The following DMWD variants were observed in gnomAD, a reference collection of about 807,000 sequenced individuals.
DMWD encodes the protein dystrophia myotonica WD repeat-containing protein.
Under a neutral mutation model 45.8 loss-of-function variants are expected in DMWD, and 19 were observed. The ratio of observed to expected loss-of-function variants is 0.41; its 90% CI spans 0.29 to 0.61. The LOEUF (loss-of-function observed/expected upper bound fraction) is 0.61. Among genes scored for constraint, DMWD ranks in the 20% least tolerant of loss-of-function variants. The probability of loss-of-function intolerance (pLI) is 0.25; values close to 1 mark genes in which losing one functional copy is unlikely to be tolerated. For missense variants in DMWD, 802 were observed against 965.2 expected, an observed-to-expected ratio of 0.83 and a Z score of 2.24; for synonymous variants, 515 against 440.5, an observed-to-expected ratio of 1.17 and a Z score of -2.12.
At chr19:45,788,697 A>C (rs1026477096) in intron 2 of DMWD, among the ~76,000 whole-genome samples, 3 of 152,140 alleles carry the variant, frequency 2.0e-5, no homozygotes, top group Non-Finnish European at 4.4e-5. Context: ...GGGAGGCCAA[A>C]GCAGGAGAAT....
rs746317972 is a variant in DMWD at position 45,786,129 on chromosome 19, AG to A, written c.1366del (p.Leu456TrpfsTer203). On this transcript the variant is annotated frameshift_variant, in exon 3 of 5. Coordinates refer to ENST00000270223, the MANE Select transcript of DMWD (RefSeq NM_004943.2). LOFTEE classifies it high-confidence loss of function. The part of the protein sequence containing the change: ...TEDVLYPHPP[L>X]ARTRTLPGTP... ...GCCAGGGAGGGTGCGGGTGCGGGCCAGGGGGGGGTGCGGGTAGAGCACGTCT... is the reference window on the plus strand; with the variant it reads ...GCCAGGGAGGGTGCGGGTGCGGGCCAGGGGGGGTGCGGGTAGAGCACGTCT... The A allele has an allele frequency of 1.8e-5, 28 of 1,530,014 alleles. No individual in the cohort carries two copies. The highest frequency in any genetic ancestry group is 2.1e-5 in the Non-Finnish European group (24 of 1,135,490). The allele number at this position is 1,530,014 out of a possible 1,614,324, so 94.8% of individuals were successfully genotyped here. A position where few individuals can be genotyped will look rare whatever the true frequency, so the allele number is the denominator to read the frequency against.
chr19:45,789,015 T>C (rs776078278), intron 2 of DMWD, among the ~76,000 whole-genome samples: 12 of 151,878 alleles, frequency 7.9e-5, no homozygotes, highest in Non-Finnish European at 1.3e-4. Context: ...CACCTCTTAG[T>C]GAGGGCTTTC....
In DMWD at chr19:45,791,429, A is replaced by G. The variant is rs137945014; in HGVS notation, c.442-342T>C. 4.2e-3 allele frequency among the ~76,000 whole-genome samples: 637 copies of G among 152,154 alleles called. 8 individuals carry two copies. The highest frequency in any genetic ancestry group is 0.015 in the African/African-American group (606 of 41,492). ...CCTTTTAGCCTCACCACTCCATCCT[A>G]TAACCTCAGCAACTCCCTTGGGACC... On this transcript the variant is annotated intron_variant, in intron 1 of 4. Coordinates refer to ENST00000270223, the MANE Select transcript of DMWD (RefSeq NM_004943.2).
intron 3 of DMWD, 68 bp from the exon 4 acceptor site, chr19:45,784,783 G>C: frequency 6.3e-7 from 1 of 1,576,438 alleles, no homozygotes; most frequent in Non-Finnish European, 8.6e-7. Flanking sequence ...TCTTGCCTCT[G>C]AGTCACTCAG....
In DMWD at chr19:45,786,841, G is replaced by T. The variant is rs886573095; in HGVS notation, c.655C>A (p.Leu219Met). 1 of 1,613,992 alleles carries T rather than the reference G, an allele frequency of 6.2e-7. No individual in the cohort carries two copies. Among genetic ancestry groups the T allele is most frequent in the African/African-American group, 1.3e-5 (1 of 74,944 alleles). ...CTCTCCGACTCAGGCAGCCACTTCA[G>T]ATATGTCACCTTGGTCTTGTCGATC... The part of the protein sequence containing the change: ...RLIDKTKVTY[L>M]KWLPESESLF... Residue 219 changes from leucine (L) to methionine (M), a missense_variant, in exon 3 of 5, where the codon CTG becomes ATG. By Grantham distance (15) the Leu-to-Met change is conservative. Around this residue, in one of 9 missense-constraint regions of DMWD, gnomAD observed 38 missense variants for 76.1 expected, o/e 0.50. Transcript: ENST00000270223.
rs1262717485 is a variant in DMWD at position 45,783,385 on chromosome 19, G to C, written c.*858C>G. 7 of 392,520 alleles carry C rather than the reference G, an allele frequency of 1.8e-5. No individual in the cohort carries two copies. Among genetic ancestry groups the C allele is most frequent in the Middle Eastern group, 1.3e-3 (2 of 1,590 alleles). 24.3% of individuals were successfully genotyped at this position (392,520 alleles called of 1,614,324 possible). On this transcript the variant is annotated 3_prime_UTR_variant, in exon 5 of 5. Transcript: ENST00000270223. ...AGGGCCAGGCCTGAGAAACTAGGAG[G>C]CAAGGACCGAGGAGTCCCAGCTGGG...
At chr19:45,792,266 G>A (rs1363012194) in intron 1 of DMWD, 50 bp downstream of exon 1, 2 of 1,575,836 alleles carry the variant, frequency 1.3e-6, no homozygotes, top group Non-Finnish European at 1.7e-6. Flanking sequence ...TCAGTTCTCT[G>A]GAACCTCCAT....
Position 45,784,080 on chromosome 19 carries a change from C to T in DMWD, c.*163G>A, listed in dbSNP as rs961489487. The stretch of plus-strand genomic sequence containing the variant: ...CAAGGGCTATTACATCGCCCGTGTC[C>T]GGGCCAGTCTGGGGGGCCCCCAAAT... On this transcript the variant is annotated 3_prime_UTR_variant, in exon 5 of 5. Transcript: ENST00000270223. 6 of 681,510 alleles carry T rather than the reference C, an allele frequency of 8.8e-6. No individual in the cohort carries two copies. The highest frequency in any genetic ancestry group is 3.6e-5 in the African/African-American group (2 of 55,594). 42.2% of individuals were successfully genotyped at this position (681,510 alleles called of 1,614,324 possible). A position where few individuals can be genotyped will look rare whatever the true frequency, so the allele number is the denominator to read the frequency against.
rs777745709 is a variant in DMWD at position 45,785,906 on chromosome 19, C to T, written c.1590G>A (p.Glu530=). The T allele has an allele frequency of 3.1e-6, 5 of 1,603,874 alleles. No individual in the cohort carries two copies. In the African/African-American group the frequency reaches 5.3e-5, roughly 17 times the overall value. The change falls in exon 3 of 5, where the codon GAG becomes GAA. Residue 530 remains glutamate, a synonymous_variant. Transcript: ENST00000270223. ...CCTTCTCTGCCCCCCGGTCCCGCCG[C>T]TCCTGCAGTGTGAGCGTGGCGAAGC... ...IGRFATLTLQ[E]RRDRGAEKEH...
In DMWD at chr19:45,784,120, G is replaced by A; in HGVS notation, c.*123C>T. 1 of 870,856 alleles carries A rather than the reference G, an allele frequency of 1.1e-6. No individual in the cohort carries two copies. The highest frequency in any genetic ancestry group is 1.9e-6 in the Non-Finnish European group (1 of 532,360). 53.9% of individuals were successfully genotyped at this position (870,856 alleles called of 1,614,324 possible). Reference sequence around the variant, plus strand: ...GGCCCCCAAATTTTGTGCAGGTGGGGGGACTGGAGCAGTCCATCCATCATG... The same window carrying A: ...GGCCCCCAAATTTTGTGCAGGTGGGAGGACTGGAGCAGTCCATCCATCATG... On this transcript the variant is annotated 3_prime_UTR_variant, in exon 5 of 5. Coordinates refer to ENST00000270223, the MANE Select transcript of DMWD (RefSeq NM_004943.2).
At position 45,792,638 on chromosome 19, in the gene DMWD, C is replaced by T; in HGVS notation, c.119G>A (p.Gly40Asp). 7.5e-7 allele frequency: 1 copy of T among 1,335,140 alleles called. No individual in the cohort carries two copies. The highest frequency in any genetic ancestry group is 1.6e-5 in the South Asian group (1 of 64,000). The allele number at this position is 1,335,140 out of a possible 1,614,324, so 82.7% of individuals were successfully genotyped here. The change falls in exon 1 of 5, where the codon GGC becomes GAC. Residue 40 changes from glycine to aspartate, a missense_variant. Physicochemically the swap from Gly to Asp is moderately conservative, Grantham distance 94. Coordinates refer to ENST00000270223, the MANE Select transcript of DMWD (RefSeq NM_004943.2). ...EGFYKLLPGD[G>D]AARRSGPASA... ...AGCCGGACCCGACCTGCGAGCGGCGCCGTCGCCCGGGAGTAGCTTGTAGAA... is the reference window on the plus strand; with the variant it reads ...AGCCGGACCCGACCTGCGAGCGGCGTCGTCGCCCGGGAGTAGCTTGTAGAA...
rs546507345 is a variant in DMWD, at chr19:45,791,921, C to T, written c.441+395G>A. Among the ~76,000 whole-genome samples, 140 of 152,284 alleles carry T rather than the reference C, an allele frequency of 9.2e-4. 1 individual carries two copies. The highest frequency in any genetic ancestry group is 3.3e-3 in the Admixed American group (51 of 15,292). ...TCAATCTCAAGACCCCTCTCCCACA[C>T]CTCCAGGCTGCAATACTGGGTTCTC... On this transcript the variant is annotated intron_variant, in intron 1 of 4. Transcript: ENST00000270223.
At chr19:45,791,126 A>T in intron 1 of DMWD, 39 bp from the exon 2 acceptor site, 2 of 1,562,390 alleles carry the variant, frequency 1.3e-6, no homozygotes, top group Middle Eastern at 1.7e-4. Context: ...GGTGTATGCC[A>T]CTGAGGAGAA....
rs1464372716 is a variant in DMWD, at chr19:45,783,738, CAG to C, written c.*503_*504del. The C allele has an allele frequency of 1.1e-5, 5 of 445,304 alleles. No homozygotes were observed. The highest frequency in any genetic ancestry group is 2.0e-5 in the Non-Finnish European group (5 of 256,068). 27.6% of individuals were successfully genotyped at this position (445,304 alleles called of 1,614,324 possible). On this transcript the variant is annotated 3_prime_UTR_variant, in exon 5 of 5. Transcript: ENST00000270223. ...GAAGGGGACAGACCCGCTGAGAAAA[CAG>C]GGAACTTTAGTATAAATAAGAGGTC... is the stretch of plus-strand genomic sequence containing the variant.
chr19:45,791,207 G>C (rs950835617), intron 1 of DMWD, 120 bp from the exon 2 acceptor site: 1 of 1,019,294 alleles, frequency 9.8e-7, no homozygotes. Context: ...GAAGTGGGGA[G>C]GTGAGTAGGT....
At chr19:45,785,228 T>A (rs142751445) in intron 3 of DMWD, 1 of 1,040,562 alleles carries the variant, frequency 9.6e-7, no homozygotes, top group East Asian at 7.8e-5. Flanking sequence ...CCTGAAGTAC[T>A]CAAAAAAGTT....
At chr19:45,784,804 C>T in intron 3 of DMWD, 89 bp from the exon 4 acceptor site, 1 of 1,544,358 alleles carries the variant, frequency 6.5e-7, no homozygotes. Flanking sequence ...ACTGTGCTCT[C>T]AAGTTCTAGG....
Position 45,786,135 on chromosome 19 carries a change from G to T in DMWD, c.1361C>A (p.Pro454His), listed in dbSNP as rs766127920. Reference sequence around the variant, plus strand: ...GAGGGTGCGGGTGCGGGCCAGGGGGGGGTGCGGGTAGAGCACGTCTTCAGT... The same window carrying T: ...GAGGGTGCGGGTGCGGGCCAGGGGGTGGTGCGGGTAGAGCACGTCTTCAGT... ...DLTEDVLYPHPPLARTRTLPG... is the reference protein window; with the variant it reads ...DLTEDVLYPHHPLARTRTLPG... The change falls in exon 3 of 5, where the codon CCC becomes CAC. Residue 454 changes from proline to histidine, a missense_variant. Pro to His is a moderately conservative substitution (Grantham distance 77). This residue lies in a region of DMWD where 303 missense variants were observed against 332.9 expected (regional missense o/e 0.91). Transcript: ENST00000270223. The T allele has an allele frequency of 6.5e-7, 1 of 1,538,862 alleles. No individual in the cohort carries two copies. Among genetic ancestry groups the T allele is most frequent in the Non-Finnish European group, 8.8e-7 (1 of 1,140,736 alleles).
Position 45,785,972 on chromosome 19 carries a change from C to G in DMWD, c.1524G>C (p.Pro508=). Residue 508 remains proline (P), a synonymous_variant, in exon 3 of 5, where the codon CCG becomes CCC. Coordinates refer to ENST00000270223, the MANE Select transcript of DMWD (RefSeq NM_004943.2). ...HPAGGGKAGG[P]GVAAEPGTPF... ...GTGTGCCAGGCTCTGCCGCCACACC[C>G]GGGCCGCCCGCCTTGCCCCCGCCAG... 1.3e-6 allele frequency: 2 copies of G among 1,574,204 alleles called. No individual in the cohort carries two copies. The highest frequency in any genetic ancestry group is 2.3e-5 in the East Asian group (1 of 44,012).
Sources: gnomAD v4.1 joint callset for allele counts (sites outside exome capture counted in the v4.1 genomes callset) on GRCh38, gnomAD v4.1.1 for gene constraint, gnomAD v4.1.1 regional missense constraint, MANE v1.5 for transcripts, NCBI Gene and HGNC (gene_info 2026-07-23, HGNC 2026-07-21) for gene names.